The following EPRS1 variants were observed in gnomAD, a reference collection of about 807,000 sequenced individuals.
EPRS1 encodes the protein glutamyl-prolyl-tRNA synthetase 1, also known as bifunctional glutamate/proline--tRNA ligase.
EPRS1 carries 107 observed loss-of-function variants against 188.3 expected under a neutral mutation model. The observed-to-expected ratio is 0.57, with a 90% CI of 0.49 to 0.67. The LOEUF (loss-of-function observed/expected upper bound fraction) is 0.67. Among genes scored for constraint, EPRS1 ranks in the 30% least tolerant of loss-of-function variants. The probability of loss-of-function intolerance (pLI) is 0.00; values close to 1 mark genes in which losing one functional copy is unlikely to be tolerated. For synonymous variants in EPRS1, 596 were observed against 593.1 expected, an observed-to-expected ratio of 1.00 and a Z score of -0.07; for missense variants, 1,577 against 1,802.2, an observed-to-expected ratio of 0.88 and a Z score of 2.26.
chr1:219,982,996 G>A (rs1571658883), intron 22 of EPRS1, 152 bp from the exon 23 acceptor site: 22 of 750,864 alleles, frequency 2.9e-5, no homozygotes, highest in South Asian at 1.4e-4. Context: ...GGAAAGGTAC[G>A]CACTTACTGA....
chr1:219,970,708 G>A (rs921865002), intron 30 of EPRS1, among the ~76,000 whole-genome samples: 2 of 151,524 alleles, frequency 1.3e-5, no homozygotes, highest in African/African-American at 4.9e-5. Context: ...AACTCGGGAG[G>A]CAGAGGTTGC....
At chr1:220,045,179 G>A (rs1662377500) in intron 1 of EPRS1, among the ~76,000 whole-genome samples, 1 of 152,200 alleles carries the variant, frequency 6.6e-6, no homozygotes, top group East Asian at 1.9e-4. Flanking sequence ...AGTACTGTGT[G>A]TGTATTATCA....
chr1:220,010,889 A>C, intron 13 of EPRS1, 57 bp downstream of exon 13: 1 of 990,336 alleles, frequency 1.0e-6, no homozygotes. Flanking sequence ...TTTCCTTTTT[A>C]TTTCCTGCTC....
chr1:219,998,595 T>A (rs1367803504), intron 17 of EPRS1, among the ~76,000 whole-genome samples: 1 of 146,178 alleles, frequency 6.8e-6, no homozygotes, highest in Non-Finnish European at 1.5e-5. Flanking sequence ...CAGGCTGGAG[T>A]CCAGTGGTGT....
At chr1:219,984,330 T>C in intron 20 of EPRS1, 73 bp from the exon 21 acceptor site, 2 of 1,044,684 alleles carry the variant, frequency 1.9e-6, no homozygotes, top group South Asian at 1.3e-5. Flanking sequence ...AATAAACCTC[T>C]AAAGTTCAAA....
intron 12 of EPRS1, among the ~76,000 whole-genome samples, chr1:220,011,489 T>C (rs2102583787): frequency 6.6e-6 from 1 of 152,338 alleles, no homozygotes; most frequent in African/African-American, 2.4e-5. Context: ...TTTTCTTTAA[T>C]CAGTGTTAGG....
intron 18 of EPRS1, among the ~76,000 whole-genome samples, chr1:219,989,453 C>G (rs1350254186): frequency 6.6e-6 from 1 of 151,524 alleles, no homozygotes; most frequent in African/African-American, 2.4e-5. Flanking sequence ...AGGGCCCAAG[C>G]TGGACACCTT....
At chr1:220,036,020 T>C (rs1287851287) in intron 2 of EPRS1, among the ~76,000 whole-genome samples, 1 of 151,992 alleles carries the variant, frequency 6.6e-6, no homozygotes, top group Admixed American at 6.6e-5. Context: ...GCCAACATGG[T>C]GAAACCCCGT....
intron 18 of EPRS1, among the ~76,000 whole-genome samples, chr1:219,991,213 G>C (rs1661114871): frequency 7.6e-6 from 1 of 131,484 alleles, no homozygotes; most frequent in South Asian, 2.6e-4. Flanking sequence ...TCTCCATGGG[G>C]AAAGGAGTGA....
intron 16 of EPRS1, among the ~76,000 whole-genome samples, chr1:220,003,789 T>C (rs1295243270): frequency 1.3e-5 from 2 of 152,202 alleles, no homozygotes; most frequent in Admixed American, 6.5e-5. Flanking sequence ...CGTGAGCTTA[T>C]GTGACTAAAG....
At chr1:220,041,509 A>G (rs1294929907) in intron 1 of EPRS1, among the ~76,000 whole-genome samples, 1 of 152,094 alleles carries the variant, frequency 6.6e-6, no homozygotes, top group East Asian at 1.9e-4. Context: ...GCCTCTTGAC[A>G]CTTAATTGAT....
Position 220,022,470 on chromosome 1 carries a change from T to A in EPRS1, c.992A>T (p.Gln331Leu), listed in dbSNP as rs1384213001. 1 of 1,614,044 alleles carries A rather than the reference T, an allele frequency of 6.2e-7. No individual in the cohort carries two copies. Among genetic ancestry groups the A allele is most frequent in the Admixed American group, 1.7e-5 (1 of 60,000 alleles). Residue 331 changes from glutamine to leucine, a missense_variant, in exon 9 of 32, where the codon CAG (glutamine) becomes CTG (leucine). Gln to Leu is a moderately radical substitution (Grantham distance 113, BLOSUM62 -2). Coordinates refer to ENST00000366923, the MANE Select transcript of EPRS1 (RefSeq NM_004446.3). ...TCGCAAACAACAGGACTGACCAAAC[T>A]GGCTCCCTTTTTTCATTTCTTCCCA... The part of the protein sequence containing the change: ...QMWEEMKKGS[Q>L]FGQSCCLRAK...
At chr1:219,978,029 A>G (rs1362315147) in intron 28 of EPRS1, among the ~76,000 whole-genome samples, 1 of 152,220 alleles carries the variant, frequency 6.6e-6, no homozygotes, top group African/African-American at 2.4e-5. Flanking sequence ...TGTGCAATAC[A>G]TGAAAGTTAT....
intron 17 of EPRS1, among the ~76,000 whole-genome samples, chr1:220,000,746 C>T (rs1309373988): frequency 2.0e-5 from 3 of 152,072 alleles, no homozygotes; most frequent in Non-Finnish European, 4.4e-5. Context: ...TCTGGGAGGC[C>T]GAGGTGGGAG....
chr1:219,998,696 C>T (rs1250625782), intron 17 of EPRS1, among the ~76,000 whole-genome samples: 1 of 151,868 alleles, frequency 6.6e-6, no homozygotes, highest in Admixed American at 6.6e-5. Context: ...GCCTGCACCA[C>T]CACACCCAGC....
At chr1:220,045,516 A>G (rs1057087251) in intron 1 of EPRS1, among the ~76,000 whole-genome samples, 2 of 152,184 alleles carry the variant, frequency 1.3e-5, no homozygotes, top group Admixed American at 6.6e-5. Flanking sequence ...AAAAGAAAAA[A>G]AAAAATCGGC....
chr1:220,046,031 G>A (rs1662394440), intron 1 of EPRS1, among the ~76,000 whole-genome samples: 1 of 152,214 alleles, frequency 6.6e-6, no homozygotes, highest in African/African-American at 2.4e-5. Context: ...GGGAAAAAGG[G>A]AGAGGTGAGT....
chr1:220,024,519 C>A, intron 7 of EPRS1, 63 bp from the exon 8 acceptor site: 2 of 1,097,650 alleles, frequency 1.8e-6, no homozygotes, highest in South Asian at 1.5e-5. Flanking sequence ...CATTTTCAAC[C>A]CTTGATACTG....
At chr1:220,045,498 T>C (rs1347602017) in intron 1 of EPRS1, among the ~76,000 whole-genome samples, 1 of 151,878 alleles carries the variant, frequency 6.6e-6, no homozygotes, top group Non-Finnish European at 1.5e-5. Flanking sequence ...AGCAAGACCC[T>C]GACTCTCAAA....
Sources: gnomAD v4.1 joint callset for allele counts (sites outside exome capture counted in the v4.1 genomes callset) on GRCh38, gnomAD v4.1.1 for gene constraint, MANE v1.5 for transcripts, NCBI Gene and HGNC (gene_info 2026-07-23, HGNC 2026-07-21) for gene names.